The following ANKRD44 variants were observed in gnomAD, a reference collection of about 807,000 sequenced individuals.
ANKRD44 encodes the protein serine/threonine-protein phosphatase 6 regulatory ankyrin repeat subunit B.
A neutral mutation model predicts 116.0 loss-of-function variants in ANKRD44; 35 were observed. The observed-to-expected ratio is 0.30, with a 90% confidence interval of 0.23 to 0.40. The LOEUF (loss-of-function observed/expected upper bound fraction) is 0.40, where lower values mean the gene tolerates loss of function less well. ANKRD44 is among the 10% of genes least tolerant of loss of function. The probability of loss-of-function intolerance (pLI) is 1.00; values close to 1 mark genes in which losing one functional copy is unlikely to be tolerated. For synonymous variants in ANKRD44, 435 were observed against 461.8 expected, an observed-to-expected ratio of 0.94 and a Z score of 0.74; for missense variants, 1,014 against 1,242.6, an observed-to-expected ratio of 0.82 and a Z score of 2.77.
chr2:197,166,955 G>T (rs565602313), intron 2 of ANKRD44, among the ~76,000 whole-genome samples: 2 of 152,300 alleles, frequency 1.3e-5, no homozygotes, highest in African/African-American at 4.8e-5. Flanking sequence ...AAATTACTTT[G>T]TCCAAGAATA....
intron 12 of ANKRD44, among the ~76,000 whole-genome samples, chr2:197,088,504 T>A (rs900693009): frequency 2.0e-5 from 3 of 152,178 alleles, no homozygotes; most frequent in African/African-American, 7.2e-5. Flanking sequence ...AAAGAAGAAC[T>A]ATTTGCTATT....
At chr2:196,973,601 G>T (rs1344862319) in intron 21 of ANKRD44, among the ~76,000 whole-genome samples, 3 of 152,096 alleles carry the variant, frequency 2.0e-5, no homozygotes, top group African/African-American at 7.2e-5. Flanking sequence ...GGTTTTCCCA[G>T]TTCTTCTCAC....
intron 9 of ANKRD44, among the ~76,000 whole-genome samples, chr2:197,102,529 T>C (rs904524386): frequency 1.3e-5 from 2 of 152,202 alleles, no homozygotes; most frequent in African/African-American, 4.8e-5. Flanking sequence ...CAGCTTTCAT[T>C]TGCATTTCTC....
chr2:197,043,814 T>C (rs1349348240), intron 16 of ANKRD44, among the ~76,000 whole-genome samples: 1 of 152,154 alleles, frequency 6.6e-6, no homozygotes, highest in Admixed American at 6.5e-5. Context: ...TTCTTTAATT[T>C]AGTGTATGGA....
chr2:197,198,202 C>G (rs2125647704), intron 1 of ANKRD44: 1 of 152,316 alleles, frequency 6.6e-6, no homozygotes, highest in Non-Finnish European at 1.5e-5. Flanking sequence ...GTGAGGTAAG[C>G]TGAGTAGTAG....
chr2:197,262,214 A>G (rs887312286), intron 1 of ANKRD44, among the ~76,000 whole-genome samples: 7 of 152,224 alleles, frequency 4.6e-5, no homozygotes, highest in Middle Eastern at 3.2e-3. Flanking sequence ...TAAATGGCAG[A>G]GCTTTCTGGC....
At chr2:197,166,644 C>T (rs1471800227) in intron 2 of ANKRD44, among the ~76,000 whole-genome samples, 1 of 151,904 alleles carries the variant, frequency 6.6e-6, no homozygotes, top group Non-Finnish European at 1.5e-5. Flanking sequence ...CTGCTATAAG[C>T]ATTTTTCATG....
intron 1 of ANKRD44, among the ~76,000 whole-genome samples, chr2:197,249,906 G>C (rs1034438623): frequency 6.6e-6 from 1 of 152,210 alleles, no homozygotes; most frequent in South Asian, 2.1e-4. Context: ...TAATAGAAGA[G>C]TGCTGACTTA....
intron 1 of ANKRD44, among the ~76,000 whole-genome samples, chr2:197,280,198 C>T (rs1401206293): frequency 6.6e-6 from 1 of 152,060 alleles, no homozygotes; most frequent in Non-Finnish European, 1.5e-5. Flanking sequence ...TTAAGCCCCC[C>T]GGGGCCATGT....
At chr2:196,981,694 C>T (rs545659722), downstream of ANKRD44, among the ~76,000 whole-genome samples, 198 of 152,164 alleles carry the variant, frequency 1.3e-3, no homozygotes, top group Middle Eastern at 0.014. Flanking sequence ...GCAGGAGAAT[C>T]GCTTGACCCT....
At chr2:197,052,471 G>A (rs1007766115) in intron 16 of ANKRD44, among the ~76,000 whole-genome samples, 1 of 152,070 alleles carries the variant, frequency 6.6e-6, no homozygotes, top group Non-Finnish European at 1.5e-5. Context: ...GTTTGGCAGA[G>A]GCTCAGAGGA....
intron 1 of ANKRD44, among the ~76,000 whole-genome samples, chr2:197,297,830 C>T (rs2083768693): frequency 6.6e-6 from 1 of 152,192 alleles, no homozygotes; most frequent in Non-Finnish European, 1.5e-5. Flanking sequence ...TTGGCTGCTA[C>T]GAAAAGGAGC....
At chr2:197,106,528 G>A (rs992193400) in intron 9 of ANKRD44, among the ~76,000 whole-genome samples, 2 of 152,094 alleles carry the variant, frequency 1.3e-5, no homozygotes, top group Admixed American at 6.6e-5. Flanking sequence ...AGTGGCTCAC[G>A]CCTGTAATCC....
chr2:196,993,303 G>C (rs569668066), intron 27 of ANKRD44, among the ~76,000 whole-genome samples: 35 of 152,318 alleles, frequency 2.3e-4, no homozygotes, highest in African/African-American at 7.9e-4. Context: ...GAAACTCTTA[G>C]TGTGTCTAAG....
chr2:197,233,143 C>T (rs946853590), intron 1 of ANKRD44, among the ~76,000 whole-genome samples: 2 of 152,194 alleles, frequency 1.3e-5, no homozygotes, highest in Admixed American at 1.3e-4. Context: ...CTGGCTCCAT[C>T]CAATTCTGAC....
intron 18 of ANKRD44, among the ~76,000 whole-genome samples, chr2:197,011,851 T>C (rs1396138313): frequency 3.9e-5 from 6 of 152,180 alleles, no homozygotes; most frequent in Non-Finnish European, 7.3e-5. Flanking sequence ...TACATTTCTT[T>C]TTCCCCAAAT....
In ANKRD44 at chr2:197,121,345, T is replaced by G; in HGVS notation, c.893A>C (p.Asp298Ala). Residue 298 changes from aspartate (D) to alanine (A), a missense_variant, in exon 8 of 28, where the codon GAT becomes GCT. By Grantham distance (126) the Asp-to-Ala change is moderately radical. Transcript: ENST00000282272. ...AGAGTGTCATACCTGAATGTTAACATCTGCCCCGTTGTTTACTAACAATTC... is the reference window on the plus strand; with the variant it reads ...AGAGTGTCATACCTGAATGTTAACAGCTGCCCCGTTGTTTACTAACAATTC... ...CLELLVNNGA[D>A]VNIQSKDGKS... The G allele has an allele frequency of 6.2e-7, 1 of 1,614,108 alleles. No homozygotes were observed. Among genetic ancestry groups the G allele is most frequent in the Non-Finnish European group, 8.5e-7 (1 of 1,179,964 alleles).
At chr2:197,132,353 T>TTTCAAGAG (rs1281303564) in intron 4 of ANKRD44, among the ~76,000 whole-genome samples, 1 of 152,228 alleles carries the variant, frequency 6.6e-6, no homozygotes, top group Admixed American at 6.5e-5. Flanking sequence ...TTTCAAGAGG[T>TTTCAAGAG]GTGATTATGT....
chr2:197,232,019 C>G (rs1158606565), intron 1 of ANKRD44, among the ~76,000 whole-genome samples: 1 of 152,142 alleles, frequency 6.6e-6, no homozygotes, highest in Admixed American at 6.5e-5. Context: ...CACTGCATCC[C>G]ATGCTCTGAC....
Sources: gnomAD v4.1 joint callset for allele counts (sites outside exome capture counted in the v4.1 genomes callset) on GRCh38, gnomAD v4.1.1 for gene constraint, MANE v1.5 for transcripts, NCBI Gene and HGNC (gene_info 2026-07-23, HGNC 2026-07-21) for gene names.